The following HERC1 variants were observed in gnomAD, a reference collection of about 807,000 sequenced individuals.
HERC1 encodes the protein HECT and RLD domain containing E3 ubiquitin protein ligase family member 1.
Under a neutral mutation model 554.3 loss-of-function variants are expected in HERC1, and 160 were observed. The observed-to-expected ratio is 0.29, with a 90% confidence interval of 0.25 to 0.33. The LOEUF (loss-of-function observed/expected upper bound fraction) is 0.33. Ranked by LOEUF, HERC1 falls within the 10% of genes least tolerant of loss-of-function variation. HERC1 has a pLI of 1.00. For missense variants in HERC1, 4,919 were observed against 5,918.5 expected (o/e 0.83, Z 5.54); for synonymous variants, 2,175 against 2,131.7 (o/e 1.02, Z -0.56).
In HERC1 at chr15:63,747,719, C is replaced by T. The variant is rs1169217536; in HGVS notation, c.2354+5G>A. Reference sequence around the variant, plus strand: ...ACAAAGATACAAAACATACATATAACATACCTTGATGAAGGGAAAGGGAGT... The same window carrying T: ...ACAAAGATACAAAACATACATATAATATACCTTGATGAAGGGAAAGGGAGT... On this transcript the variant is annotated splice_donor_5th_base_variant and intron_variant, in intron 11 of 77. Transcript: ENST00000443617. 6.6e-7 allele frequency: 1 copy of T among 1,524,014 alleles called. No individual in the cohort carries two copies. Among genetic ancestry groups the T allele is most frequent in the Non-Finnish European group, 8.9e-7 (1 of 1,122,466 alleles). 94.4% of individuals were successfully genotyped at this position (1,524,014 alleles called of 1,614,324 possible).
chr15:63,727,791 T>G lies in HERC1; in HGVS notation c.3202A>C (p.Asn1068His). Residue 1068 changes from asparagine (N) to histidine (H), a missense_variant, in exon 17 of 78, where the codon AAC becomes CAC. Coordinates refer to ENST00000443617, the MANE Select transcript of HERC1 (RefSeq NM_003922.4). This position sits in a 1 kb window ranked among gnomAD's most constrained non-coding sequence, Gnocchi z 4.3. ...GACACAGGGAGTAACAGCAGGGAGT[T>G]AACAATCTGGCAGAGCATACTGCCA... ...AAGSMLCQIVNSLLLLPVSVA... is the reference protein window; with the variant it reads ...AAGSMLCQIVHSLLLLPVSVA... The G allele has an allele frequency of 6.2e-7, 1 of 1,613,858 alleles. No individual in the cohort carries two copies. Among genetic ancestry groups the G allele is most frequent in the African/African-American group, 1.3e-5 (1 of 74,990 alleles).
intron 33 of HERC1, 76 bp downstream of exon 33, chr15:63,689,513 G>T: frequency 1.3e-6 from 1 of 758,236 alleles, no homozygotes; most frequent in Non-Finnish European, 2.2e-6. Context: ...TGCCTCAGAG[G>T]AACAGGCATT....
chr15:63,801,480 C>A (rs999329887), intron 1 of HERC1, among the ~76,000 whole-genome samples: 1 of 152,216 alleles, frequency 6.6e-6, no homozygotes, highest in African/African-American at 2.4e-5. Flanking sequence ...AAAACTCACA[C>A]ACTTGTTGTC....
At chr15:63,827,112 C>T (rs1210300993) in intron 1 of HERC1, among the ~76,000 whole-genome samples, 2 of 152,032 alleles carry the variant, frequency 1.3e-5, no homozygotes, top group Admixed American at 1.3e-4. Context: ...GAAACATCTA[C>T]ACAGTCAAGT....
At chr15:63,762,108 T>C (rs1349814733) in intron 3 of HERC1, among the ~76,000 whole-genome samples, 2 of 152,092 alleles carry the variant, frequency 1.3e-5, no homozygotes, top group African/African-American at 4.8e-5. Context: ...TGATTCCAGA[T>C]TGGGGGCAAC....
At chr15:63,755,782 AAAAG>A (rs2075401650) in intron 5 of HERC1, among the ~76,000 whole-genome samples, 1 of 152,168 alleles carries the variant, frequency 6.6e-6, no homozygotes, top group Admixed American at 6.5e-5. Context: ...ACCTAACAAA[AAAAG>A]AAAGAAAGAA....
At chr15:63,618,992 T>C (rs2067947553) in intron 74 of HERC1, among the ~76,000 whole-genome samples, 1 of 152,092 alleles carries the variant, frequency 6.6e-6, no homozygotes, top group Non-Finnish European at 1.5e-5. Context: ...TTTATTTCCT[T>C]CTCCTGCCTG....
rs2069665504 is a variant in HERC1, at chr15:63,651,352, A to T, written c.10447T>A (p.Ser3483Thr). ...LEGDAEESLG[S>T]PSDPSFSPVS... ...GGTGAGAAACTTGGATCACTGGGTG[A>T]TCCCAGGCTTTCCTCAGCATCCCCT... is the stretch of plus-strand genomic sequence containing the variant. The change falls in exon 53 of 78, where the codon TCA (serine) becomes ACA (threonine). Residue 3483 changes from serine (S) to threonine (T), a missense_variant. Ser to Thr is a moderately conservative substitution (Grantham distance 58, BLOSUM62 1). Around this residue, in one of 11 missense-constraint regions of HERC1, gnomAD observed 1,963 missense variants for 2,228.6 expected, o/e 0.88. Coordinates refer to ENST00000443617, the MANE Select transcript of HERC1 (RefSeq NM_003922.4). 1.2e-6 allele frequency: 2 copies of T among 1,613,602 alleles called. No homozygotes were observed.
intron 74 of HERC1, among the ~76,000 whole-genome samples, chr15:63,617,779 A>G (rs376346394): frequency 7.2e-5 from 11 of 152,134 alleles, no homozygotes; most frequent in East Asian, 3.9e-4. Context: ...GCATTTTTTC[A>G]TGTGTCTTTT....
In HERC1 at chr15:63,802,282, GA is replaced by G. The variant is rs1203100385; in HGVS notation, c.-26-26634del. On this transcript the variant is annotated intron_variant, in intron 1 of 77. Transcript: ENST00000443617. ...GCAAAATTGAACTCCTGCTAAAAAA[GA>G]AAAAACTTTTTCGTTGTTATTATTG... Among the ~76,000 whole-genome samples, 12 of 152,072 alleles carry G rather than the reference GA, an allele frequency of 7.9e-5. No individual in the cohort carries two copies. The East Asian group carries it at 2.3e-3, about 29-fold the overall frequency.
intron 53 of HERC1, 85 bp from the exon 54 acceptor site, chr15:63,650,010 T>A: frequency 5.2e-6 from 5 of 967,730 alleles, no homozygotes. Flanking sequence ...TTAATTCTAA[T>A]ACACACTCAA....
intron 33 of HERC1, among the ~76,000 whole-genome samples, chr15:63,689,138 G>A (rs1214406086): frequency 6.6e-6 from 1 of 152,214 alleles, no homozygotes; most frequent in Non-Finnish European, 1.5e-5. Flanking sequence ...CGGAGATCCG[G>A]GAGAAAGCGT....
At position 63,634,743 on chromosome 15, in the gene HERC1, T is replaced by G; in HGVS notation, c.12560A>C (p.Gln4187Pro). The change falls in exon 66 of 78, where the codon CAG (glutamine) becomes CCG (proline). Residue 4187 changes from glutamine to proline, a missense_variant. This residue lies in a region of HERC1 where 410 missense variants were observed against 467.0 expected (regional missense o/e 0.88). Coordinates refer to ENST00000443617, the MANE Select transcript of HERC1 (RefSeq NM_003922.4). ...TGATTTATTCCATGCCTGTCCAATCTGATATCCCTCCAGTGCAGTCACTCT... is the reference window on the plus strand; with the variant it reads ...TGATTTATTCCATGCCTGTCCAATCGGATATCCCTCCAGTGCAGTCACTCT... ...PERVTALEGY[Q>P]IGQVACGLNH... 3.1e-6 allele frequency: 5 copies of G among 1,612,492 alleles called. No homozygotes were observed. Among genetic ancestry groups the G allele is most frequent in the Non-Finnish European group, 4.2e-6 (5 of 1,179,072 alleles).
intron 12 of HERC1, among the ~76,000 whole-genome samples, chr15:63,737,823 T>A (rs2074614661): frequency 6.6e-6 from 1 of 152,032 alleles, no homozygotes; most frequent in South Asian, 2.1e-4. Flanking sequence ...GATCAAAAAT[T>A]TGAAGCACAC....
chr15:63,810,018 A>T (rs999092342), intron 1 of HERC1, among the ~76,000 whole-genome samples: 1 of 152,182 alleles, frequency 6.6e-6, no homozygotes, highest in Non-Finnish European at 1.5e-5. Context: ...CTGGTTAAAT[A>T]AATTATACAC....
rs887816329 is a variant in HERC1, at chr15:63,746,217, A to G, written c.2520+701T>C. ...TTAGCTGCATTTCATGAGTTTTGGT[A>G]TGTTAAGTTTTTGTTTTCATTAATC... On this transcript the variant is annotated intron_variant, in intron 12 of 77. Transcript: ENST00000443617. Among the ~76,000 whole-genome samples the G allele has an allele frequency of 2.0e-5, 3 of 152,042 alleles. No individual in the cohort carries two copies. In the East Asian group the frequency reaches 5.8e-4, roughly 29 times the overall value.
intron 45 of HERC1, among the ~76,000 whole-genome samples, 184 bp downstream of exon 45, chr15:63,661,569 T>C (rs938625584): frequency 1.3e-5 from 2 of 152,236 alleles, no homozygotes; most frequent in African/African-American, 4.8e-5. Context: ...GATATGTTGC[T>C]ATGCCATTAT....
chr15:63,613,868 G>C (rs1354351115), intron 76 of HERC1, among the ~76,000 whole-genome samples: 1 of 152,080 alleles, frequency 6.6e-6, no homozygotes, highest in Non-Finnish European at 1.5e-5. Context: ...TGTCCCATAA[G>C]GATCAGAGAT....
chr15:63,778,474 C>A (rs1449428866), intron 1 of HERC1, among the ~76,000 whole-genome samples: 11 of 151,854 alleles, frequency 7.2e-5, no homozygotes, highest in Admixed American at 7.2e-4. Context: ...TGTTGAAACG[C>A]AGAGGAAAGA....
Sources: allele counts gnomAD v4.1 joint callset (sites outside exome capture counted in the v4.1 genomes callset), GRCh38; gene constraint gnomAD v4.1.1; regional missense constraint gnomAD v4.1.1; non-coding constraint Gnocchi (gnomAD v3.1); transcripts MANE v1.5; gene names NCBI Gene and HGNC (gene_info 2026-07-23, HGNC 2026-07-21).